Variants in CNBD1 observed in about 807,000 individuals in gnomAD.
The protein encoded by CNBD1 is cyclic nucleotide-binding domain-containing protein 1.
CNBD1 carries 71 observed loss-of-function variants against 54.4 expected under a neutral mutation model. The observed-to-expected ratio is 1.30, with a 90% CI of 1.08 to 1.59. The LOEUF is 1.59. Ranked by LOEUF, CNBD1 falls within the 40% of genes most tolerant of loss-of-function variation. CNBD1 has a pLI of 0.00. For synonymous variants in CNBD1, 182 were observed against 170.7 expected (o/e 1.07, Z -0.51); for missense variants, 659 against 518.0 (o/e 1.27, Z -2.64).
In CNBD1 at chr8:86,981,187, G is replaced by A. The variant is rs139396036; in HGVS notation, c.431+41433G>A. ...TGTGTGTGTCTGTGTGCGTGCGCGC[G>A]CGCATTGTGTACTCACACACATTCA... On this transcript the variant is annotated intron_variant, in intron 4 of 10. Transcript: ENST00000518476. 4.2e-4 allele frequency among the ~76,000 whole-genome samples: 64 copies of A among 152,310 alleles called. No individual in the cohort carries two copies. The East Asian group carries it at 9.4e-3, about 22-fold the overall frequency.
chr8:86,998,415 AC>A (rs1808925159), intron 4 of CNBD1, among the ~76,000 whole-genome samples: 1 of 152,184 alleles, frequency 6.6e-6, no homozygotes, highest in African/African-American at 2.4e-5. Flanking sequence ...AGCAAAAAGC[AC>A]AAAAAATGCA....
rs193157623 is a variant in CNBD1, at chr8:87,391,070, A to G, written c.213+37284A>G. On this transcript the variant is annotated intron_variant, in intron 2 of 7. Transcript: ENST00000521593. ...AACCCATGGACACAGGAAGGGGAAC[A>G]TCACACACCGGGGCCTGTTGTGGGG... Among the ~76,000 whole-genome samples the G allele has an allele frequency of 2.7e-3, 402 of 151,562 alleles. 1 individual carries two copies. Among genetic ancestry groups the G allele is most frequent in the African/African-American group, 9.3e-3 (384 of 41,332 alleles).
chr8:86,991,354 C>T (rs550496834), intron 4 of CNBD1, among the ~76,000 whole-genome samples: 11 of 152,026 alleles, frequency 7.2e-5, no homozygotes, highest in African/African-American at 2.4e-4. Flanking sequence ...TATGATTGTA[C>T]TTATTCAGAT....
chr8:87,095,048 C>G (rs1811290143), intron 4 of CNBD1, among the ~76,000 whole-genome samples: 1 of 151,982 alleles, frequency 6.6e-6, no homozygotes, highest in Non-Finnish European at 1.5e-5. Context: ...TCAAAAAAAA[C>G]AAAGTAATAA....
chr8:87,083,581 A>ATTTT (rs1462355290), intron 4 of CNBD1, among the ~76,000 whole-genome samples: 7 of 129,418 alleles, frequency 5.4e-5, no homozygotes, highest in African/African-American at 2.1e-4. Context: ...AAACCAATGT[A>ATTTT]TTTCTTTTTT....
chr8:87,400,483 G>C (rs777673106), intron 2 of CNBD1, among the ~76,000 whole-genome samples: 1 of 151,938 alleles, frequency 6.6e-6, no homozygotes, highest in Non-Finnish European at 1.5e-5. Context: ...TAAGGAACTT[G>C]TTAGAAAAAT....
At chr8:87,016,100 TA>T (rs150734367) in intron 4 of CNBD1, among the ~76,000 whole-genome samples, 2,660 of 150,044 alleles carry the variant, frequency 0.018, 73 homozygotes, top group African/African-American at 0.062. Context: ...TCTAATCAAA[TA>T]ACTTAAAAAT....
intron 8 of CNBD1, among the ~76,000 whole-genome samples, chr8:87,300,600 A>C (rs1313100065): frequency 1.3e-5 from 2 of 152,134 alleles, no homozygotes; most frequent in Non-Finnish European, 2.9e-5. Context: ...TTTTATTTTA[A>C]TTGAAAGTAT....
At position 86,949,411 on chromosome 8, in the gene CNBD1, C is replaced by A. The variant is rs184532971; in HGVS notation, c.431+9657C>A. Among the ~76,000 whole-genome samples the A allele has an allele frequency of 2.0e-5, 3 of 152,018 alleles. No individual in the cohort carries two copies. In the East Asian group the frequency reaches 5.8e-4, roughly 29 times the overall value. On this transcript the variant is annotated intron_variant, in intron 4 of 10. Transcript: ENST00000518476. ...GGAATATCTTTCCATTTTTGGTGTC[C>A]TCTTCAATTTCTTTCATCAGTGTTA... is the stretch of plus-strand genomic sequence containing the variant.
chr8:87,040,765 G>A (rs1257475664), intron 4 of CNBD1, among the ~76,000 whole-genome samples: 2 of 150,840 alleles, frequency 1.3e-5, no homozygotes, highest in African/African-American at 4.9e-5. Context: ...GGTTTATTTT[G>A]TGTGTTTTTT....
intron 1 of CNBD1, among the ~76,000 whole-genome samples, chr8:86,878,105 TGAGAGAGA>T (rs34491735): frequency 3.5e-5 from 5 of 140,970 alleles, no homozygotes; most frequent in East Asian, 4.3e-4. Flanking sequence ...TGTGTGTGTG[TGAGAGAGA>T]GAGAGAGAGA....
At chr8:86,876,691 T>C (rs1019092144) in intron 1 of CNBD1, among the ~76,000 whole-genome samples, 2 of 151,938 alleles carry the variant, frequency 1.3e-5, no homozygotes, top group African/African-American at 2.4e-5. Context: ...TTCAGAGAAA[T>C]ACATATTTTA....
chr8:87,220,596 T>C (rs1201340099), intron 5 of CNBD1, among the ~76,000 whole-genome samples: 1 of 151,834 alleles, frequency 6.6e-6, no homozygotes, highest in African/African-American at 2.4e-5. Flanking sequence ...ATTCATAGGT[T>C]TTTAGACCTT....
intron 6 of CNBD1, among the ~76,000 whole-genome samples, chr8:87,249,152 AC>A (rs371443100): frequency 7.2e-5 from 11 of 152,256 alleles, no homozygotes; most frequent in African/African-American, 2.6e-4. Flanking sequence ...TACTAGCATC[AC>A]TGCCTCAGCT....
At chr8:87,193,783 G>A (rs1417648616) in intron 4 of CNBD1, among the ~76,000 whole-genome samples, 2 of 152,142 alleles carry the variant, frequency 1.3e-5, no homozygotes, top group African/African-American at 4.8e-5. Flanking sequence ...CAAATTTGAT[G>A]TCTTAAAACT....
intron 6 of CNBD1, among the ~76,000 whole-genome samples, chr8:87,267,904 A>C (rs1166329681): frequency 3.9e-5 from 6 of 152,204 alleles, no homozygotes; most frequent in Admixed American, 2.6e-4. Context: ...TATTTTAACT[A>C]TACACAAAAA....
intron 6 of CNBD1, among the ~76,000 whole-genome samples, chr8:87,267,410 A>G (rs1808281776): frequency 6.6e-6 from 1 of 152,202 alleles, no homozygotes; most frequent in Non-Finnish European, 1.5e-5. Context: ...GTGAAGAAAT[A>G]AACATTGGAG....
intron 10 of CNBD1, among the ~76,000 whole-genome samples, chr8:87,355,991 C>T (rs1245691212): frequency 6.6e-6 from 1 of 151,972 alleles, no homozygotes; most frequent in East Asian, 1.9e-4. Flanking sequence ...GCATGTTTCT[C>T]TTGCTCCTTC....
intron 4 of CNBD1, among the ~76,000 whole-genome samples, chr8:87,073,886 G>A (rs949614234): frequency 2.6e-5 from 4 of 152,012 alleles, no homozygotes; most frequent in African/African-American, 9.7e-5. Flanking sequence ...CAGATCACGA[G>A]GTCAGGAGAT....
Sources: allele counts gnomAD v4.1 joint callset (sites outside exome capture counted in the v4.1 genomes callset), GRCh38; gene constraint gnomAD v4.1.1; transcripts MANE v1.5; gene names NCBI Gene and HGNC (gene_info 2026-07-23, HGNC 2026-07-21).